ADGRG7: variants seen among roughly 807,000 people sequenced by gnomAD.
The protein encoded by ADGRG7 is G-protein coupled receptor 128.
ADGRG7 carries 82 observed loss-of-function variants against 88.6 expected under a neutral mutation model. That is an observed-to-expected ratio of 0.93 (90% CI 0.77 to 1.11). The LOEUF (loss-of-function observed/expected upper bound fraction) is 1.11. Ranked by LOEUF, ADGRG7 falls within the 50% of genes most tolerant of loss-of-function variation. ADGRG7 has a pLI of 0.00. For synonymous variants in ADGRG7, 381 were observed against 345.2 expected (o/e 1.10, Z -1.15); for missense variants, 945 against 953.4 (o/e 0.99, Z 0.12).
intron 4 of ADGRG7, among the ~76,000 whole-genome samples, chr3:100,634,423 A>C (rs1707503353): frequency 6.6e-6 from 1 of 152,206 alleles, no homozygotes; most frequent in South Asian, 2.1e-4. Context: ...TTAGTTTATC[A>C]TATTTAATTT....
chr3:100,681,799 C>G lies in ADGRG7; in HGVS notation c.2136+12694C>G, dbSNP rs533452630. ...ATTAAACTTCAGTAGAATGAAAATACTTCTCCCTTAAAGCACTCGCACCCT... is the reference window on the plus strand; with the variant it reads ...ATTAAACTTCAGTAGAATGAAAATAGTTCTCCCTTAAAGCACTCGCACCCT... On this transcript the variant is annotated intron_variant, in intron 15 of 15. Transcript: ENST00000273352. Among the ~76,000 whole-genome samples the G allele has an allele frequency of 2.0e-5, 3 of 152,252 alleles. No homozygotes were observed. The East Asian group carries it at 5.8e-4, about 29-fold the overall frequency.
intron 15 of ADGRG7, among the ~76,000 whole-genome samples, chr3:100,688,826 T>G (rs1265591938): frequency 4.6e-5 from 7 of 152,154 alleles, no homozygotes; most frequent in Non-Finnish European, 8.8e-5. Context: ...ATAGGTGTGG[T>G]GTGGTGCTGA....
At chr3:100,639,839 A>G (rs1559676139) in intron 6 of ADGRG7, among the ~76,000 whole-genome samples, 1 of 152,230 alleles carries the variant, frequency 6.6e-6, no homozygotes, top group Non-Finnish European at 1.5e-5. Flanking sequence ...ATTTTGTGTG[A>G]TTTTTACACA....
intron 13 of ADGRG7, among the ~76,000 whole-genome samples, chr3:100,658,019 C>T (rs1016242664): frequency 2.6e-5 from 4 of 152,140 alleles, no homozygotes; most frequent in African/African-American, 9.7e-5. Context: ...TAGCTTCTCA[C>T]ATCATTGTAA....
chr3:100,659,175 G>A (rs570278560), intron 13 of ADGRG7, among the ~76,000 whole-genome samples: 1 of 152,210 alleles, frequency 6.6e-6, no homozygotes, highest in Admixed American at 6.5e-5. Flanking sequence ...GCTCATGCCT[G>A]TAATCCCAGC....
At chr3:100,652,323 T>C (rs1312293444) in intron 11 of ADGRG7, among the ~76,000 whole-genome samples, 1 of 152,090 alleles carries the variant, frequency 6.6e-6, no homozygotes, top group Non-Finnish European at 1.5e-5. Flanking sequence ...TGAAACATCG[T>C]AAAAACATAA....
intron 1 of ADGRG7, among the ~76,000 whole-genome samples, chr3:100,624,654 T>C (rs1179381254): frequency 6.6e-6 from 1 of 152,162 alleles, no homozygotes; most frequent in Non-Finnish European, 1.5e-5. Context: ...TCTTCTAGGG[T>C]TTTTATGGTT....
At chr3:100,675,740 C>T (rs1015218287) in intron 15 of ADGRG7, among the ~76,000 whole-genome samples, 12 of 152,176 alleles carry the variant, frequency 7.9e-5, no homozygotes, top group African/African-American at 2.9e-4. Context: ...AGTTCCTGGG[C>T]TTTTCTTTGC....
At chr3:100,656,247 T>A (rs1043830417) in intron 13 of ADGRG7, among the ~76,000 whole-genome samples, 6 of 152,196 alleles carry the variant, frequency 3.9e-5, no homozygotes, top group Non-Finnish European at 7.3e-5. Flanking sequence ...GTTAAATTTG[T>A]CTTCTTTCAT....
intron 15 of ADGRG7, among the ~76,000 whole-genome samples, chr3:100,681,265 A>G (rs2094972969): frequency 6.6e-6 from 1 of 151,616 alleles, no homozygotes; most frequent in Non-Finnish European, 1.5e-5. Flanking sequence ...AGACTTTTAA[A>G]TAAAACAAAG....
chr3:100,674,061 TC>T (rs2094961900), intron 15 of ADGRG7, among the ~76,000 whole-genome samples: 1 of 152,220 alleles, frequency 6.6e-6, no homozygotes, highest in Non-Finnish European at 1.5e-5. Flanking sequence ...TTTAAATGTG[TC>T]CCAAAGATTT....
chr3:100,618,060 G>C (rs939503192), intron 1 of ADGRG7, among the ~76,000 whole-genome samples: 8 of 152,084 alleles, frequency 5.3e-5, no homozygotes, highest in Non-Finnish European at 1.0e-4. Context: ...TTTTGATGGG[G>C]TTGTTTGTTT....
intron 12 of ADGRG7, among the ~76,000 whole-genome samples, 163 bp from the exon 13 acceptor site, chr3:100,655,736 A>G (rs1177529653): frequency 6.6e-6 from 1 of 152,236 alleles, no homozygotes; most frequent in Non-Finnish European, 1.5e-5. Context: ...GAGAAAAATT[A>G]TGTCCACTGT....
chr3:100,630,604 C>T (rs1707446834), intron 2 of ADGRG7, 101 bp from the exon 3 acceptor site: 2 of 463,978 alleles, frequency 4.3e-6, no homozygotes, highest in African/African-American at 2.0e-5. Flanking sequence ...CTTCTATTGC[C>T]TTTCAAATTT....
chr3:100,661,415 A>C (rs2094945150), intron 14 of ADGRG7, among the ~76,000 whole-genome samples: 1 of 152,172 alleles, frequency 6.6e-6, no homozygotes. Context: ...TTTTTCTTTT[A>C]ATGTTAACAT....
rs1169989881 is a variant in ADGRG7, at chr3:100,637,372, C to T, written c.668C>T (p.Ala223Val). ...DASEDAFQRV[A>V]ATANDDALTT... The stretch of plus-strand genomic sequence containing the variant: ...AGTGAAGATGCTTTTCAAAGAGTTG[C>T]TGCTACTGCTAATGATGATGCCCTT... The change falls in exon 6 of 16, where the codon GCT becomes GTT. Residue 223 changes from alanine to valine, a missense_variant. Ala to Val is a moderately conservative substitution (Grantham distance 64). Coordinates refer to ENST00000273352, the MANE Select transcript of ADGRG7 (RefSeq NM_032787.3). 3.1e-6 allele frequency: 5 copies of T among 1,613,384 alleles called. No individual in the cohort carries two copies. In the African/African-American group the frequency reaches 5.3e-5, roughly 17 times the overall value.
intron 15 of ADGRG7, among the ~76,000 whole-genome samples, chr3:100,688,849 T>A (rs894304882): frequency 6.6e-6 from 1 of 152,216 alleles, no homozygotes; most frequent in Non-Finnish European, 1.5e-5. Context: ...AGAATGTATA[T>A]TCTGTTGATT....
intron 6 of ADGRG7, among the ~76,000 whole-genome samples, chr3:100,639,533 T>C (rs895529898): frequency 1.3e-4 from 20 of 152,184 alleles, no homozygotes; most frequent in African/African-American, 4.6e-4. Flanking sequence ...GCCCTTCTCA[T>C]GGAGAATGTG....
At chr3:100,674,464 T>C (rs1362828843) in intron 15 of ADGRG7, among the ~76,000 whole-genome samples, 4 of 152,244 alleles carry the variant, frequency 2.6e-5, no homozygotes, top group African/African-American at 9.6e-5. Context: ...TTCAATTGGT[T>C]GCATGCAGGT....
Sources: gnomAD v4.1 joint callset for allele counts (sites outside exome capture counted in the v4.1 genomes callset) on GRCh38, gnomAD v4.1.1 for gene constraint, MANE v1.5 for transcripts, NCBI Gene and HGNC (gene_info 2026-07-23, HGNC 2026-07-21) for gene names.